The following SLC36A1 variants were observed in gnomAD, a reference collection of about 807,000 sequenced individuals.
SLC36A1 encodes the protein proton-coupled amino acid transporter 1.
A neutral mutation model predicts 47.5 loss-of-function variants in SLC36A1; 30 were observed. The observed-to-expected ratio is 0.63, with a 90% CI of 0.47 to 0.86. SLC36A1 has a LOEUF of 0.86. SLC36A1 is among the 40% of genes least tolerant of loss of function. The pLI is 0.00. For missense variants in SLC36A1, 517 were observed against 606.0 expected (o/e 0.85, Z 1.54); for synonymous variants, 255 against 249.7 (o/e 1.02, Z -0.20).
upstream of SLC36A1, among the ~76,000 whole-genome samples, chr5:151,444,531 C>T (rs13358254): frequency 0.037 from 5,627 of 152,072 alleles, 313 homozygotes; most frequent in African/African-American, 0.12. Flanking sequence ...CACTCTGTCA[C>T]CCAGGCTGAA....
At position 151,458,911 on chromosome 5, in the gene SLC36A1, G is replaced by T; in HGVS notation, c.119G>T (p.Arg40Leu). 6.2e-7 allele frequency: 1 copy of T among 1,613,298 alleles called. No individual in the cohort carries two copies. The highest frequency in any genetic ancestry group is 8.5e-7 in the Non-Finnish European group (1 of 1,179,754). ...NNLSSPGSYQ[R>L]FGQSNSTTWF... ...CTCTCCTCCCCGGGCTCCTACCAGCGCTTTGGTCAAAGCAATAGCACAACG... is the reference window on the plus strand; with the variant it reads ...CTCTCCTCCCCGGGCTCCTACCAGCTCTTTGGTCAAAGCAATAGCACAACG... The change falls in exon 2 of 11, where the codon CGC becomes CTC. Residue 40 changes from arginine to leucine, a missense_variant. Arg to Leu is a moderately radical substitution (Grantham distance 102, BLOSUM62 -2). Coordinates refer to ENST00000243389, the MANE Select transcript of SLC36A1 (RefSeq NM_078483.4).
rs776497565 is a variant in SLC36A1 at position 151,488,463 on chromosome 5, CAG to C, written c.*210_*211del. ...AGACACGCAGAAGTGCTACTAGTGA[CAG>C]GGCTGCCATCGCTCACCTGTACCTA... On this transcript the variant is annotated 3_prime_UTR_variant, in exon 11 of 11. Transcript: ENST00000243389. The C allele has an allele frequency of 1.7e-4, 108 of 624,662 alleles. No individual in the cohort carries two copies. Among genetic ancestry groups the C allele is most frequent in the Non-Finnish European group, 2.6e-4 (96 of 363,612 alleles). The allele number at this position is 624,662 out of a possible 1,614,324, so 38.7% of individuals were successfully genotyped here.
At position 151,464,494 on chromosome 5, in the gene SLC36A1, C is replaced by T; in HGVS notation, c.235-20C>T. ...TACCTACTTTTCTCTCTCTCTTTTG[C>T]CTGCAATATCTGTCCCCAGATGGGT... On this transcript the variant is annotated intron_variant, in intron 3 of 10. Transcript: ENST00000243389. 6.2e-7 allele frequency: 1 copy of T among 1,605,360 alleles called. No homozygotes were observed. The highest frequency in any genetic ancestry group is 8.5e-7 in the Non-Finnish European group (1 of 1,173,126).
Position 151,467,301 on chromosome 5 carries a change from A to AAAC in SLC36A1, c.504+20_504+21insCAA. On this transcript the variant is annotated intron_variant, in intron 6 of 10. Coordinates refer to ENST00000243389, the MANE Select transcript of SLC36A1 (RefSeq NM_078483.4). The stretch of plus-strand genomic sequence containing the variant: ...TTAAACAGGTAGGCACCTGGTTAAA[A>AAAC]AAGAAAAAAAAAAAAAAAACCAGAG... 24 of 1,438,668 alleles carry AAAC rather than the reference A, an allele frequency of 1.7e-5. No homozygotes were observed. Among genetic ancestry groups the AAAC allele is most frequent in the East Asian group, 2.3e-5 (1 of 43,554 alleles). 89.1% of individuals were successfully genotyped at this position (1,438,668 alleles called of 1,614,324 possible). A position where few individuals can be genotyped will look rare whatever the true frequency, so the allele number is the denominator to read the frequency against.
chr5:151,471,295 T>C (rs2127509129), intron 7 of SLC36A1, among the ~76,000 whole-genome samples: 1 of 152,362 alleles, frequency 6.6e-6, no homozygotes, highest in East Asian at 1.9e-4. Context: ...TGAGGAGATA[T>C]GTTAATAACG....
chr5:151,533,605 C>T, the SLC36A1 span, among the ~76,000 whole-genome samples: 3 of 152,058 alleles, frequency 2.0e-5, no homozygotes, highest in African/African-American at 7.2e-5. Context: ...GTTTTGATCC[C>T]ACTTTTATCA....
At chr5:151,437,003 G>A (rs1759806667), upstream of SLC36A1, 1 of 152,198 alleles carries the variant, frequency 6.6e-6, no homozygotes, top group Admixed American at 6.5e-5. Flanking sequence ...AGGTAACACT[G>A]AGGTCTGCCC....
intron 1 of SLC36A1, among the ~76,000 whole-genome samples, chr5:151,440,223 G>A (rs1253084240): frequency 6.6e-6 from 1 of 152,180 alleles, no homozygotes; most frequent in East Asian, 1.9e-4. Context: ...TGGTAAAGGA[G>A]ATACAGGAAG....
chr5:151,482,306 A>G lies in SLC36A1; in HGVS notation c.1159+2817A>G, dbSNP rs1412734849. Among the ~76,000 whole-genome samples, 3 of 151,956 alleles carry G rather than the reference A, an allele frequency of 2.0e-5. No homozygotes were observed. In the East Asian group the frequency reaches 5.8e-4, roughly 29 times the overall value. On this transcript the variant is annotated intron_variant, in intron 10 of 10. Transcript: ENST00000243389. Reference sequence around the variant, plus strand: ...CTGCATTCCCCGCCCAGGAACCCTCATAAGGCCTCAGGGTCCTCAACTGTA... The same window carrying G: ...CTGCATTCCCCGCCCAGGAACCCTCGTAAGGCCTCAGGGTCCTCAACTGTA...
At chr5:151,456,913 G>A (rs1200363939) in intron 1 of SLC36A1, among the ~76,000 whole-genome samples, 1 of 152,162 alleles carries the variant, frequency 6.6e-6, no homozygotes, top group African/African-American at 2.4e-5. Flanking sequence ...TGGGTGTCGG[G>A]GCAGGGTGGG....
the SLC36A1 span, among the ~76,000 whole-genome samples, chr5:151,501,528 C>T: frequency 2.0e-5 from 3 of 147,830 alleles, 1 homozygote; most frequent in Admixed American, 2.0e-4. Context: ...GTGATCTGCC[C>T]ACCTTGGCCT....
At chr5:151,446,328 T>C (rs983522460), upstream of SLC36A1, among the ~76,000 whole-genome samples, 1 of 152,204 alleles carries the variant, frequency 6.6e-6, no homozygotes, top group Non-Finnish European at 1.5e-5. Context: ...GGTCAGGAGT[T>C]TGAGACCAGC....
the SLC36A1 span, chr5:151,544,444 G>A: frequency 6.2e-7 from 1 of 1,614,204 alleles, no homozygotes; most frequent in Admixed American, 1.7e-5. Context: ...CAAAGGCCCT[G>A]TTACTGTTAG....
the SLC36A1 span, among the ~76,000 whole-genome samples, chr5:151,411,819 C>G: frequency 3.5e-5 from 5 of 144,324 alleles, no homozygotes; most frequent in African/African-American, 1.3e-4. Context: ...CAAACCAAAC[C>G]AAACCAAACC....
At chr5:151,442,469 A>G (rs1752683947) in intron 1 of SLC36A1, among the ~76,000 whole-genome samples, 1 of 152,196 alleles carries the variant, frequency 6.6e-6, no homozygotes. Context: ...TAACATATCC[A>G]TCATCTCAAA....
At chr5:151,402,270 A>G in the SLC36A1 span, among the ~76,000 whole-genome samples, 6 of 151,946 alleles carry the variant, frequency 3.9e-5, no homozygotes, top group African/African-American at 1.4e-4. Context: ...GTTTAATTCT[A>G]TTCTATTTAT....
At chr5:151,365,626 G>A in the SLC36A1 span, among the ~76,000 whole-genome samples, 24 of 152,310 alleles carry the variant, frequency 1.6e-4, no homozygotes, top group African/African-American at 5.8e-4. Context: ...TCTAAAATCA[G>A]GCAGCTGAGT....
chr5:151,551,132 A>G, the SLC36A1 span, among the ~76,000 whole-genome samples: 3 of 152,228 alleles, frequency 2.0e-5, no homozygotes, highest in Non-Finnish European at 4.4e-5. Context: ...TCCAAATGTA[A>G]GAAACAGATA....
the SLC36A1 span, among the ~76,000 whole-genome samples, chr5:151,530,398 C>G: frequency 6.6e-6 from 1 of 152,134 alleles, no homozygotes; most frequent in Non-Finnish European, 1.5e-5. Context: ...CTAGGAAATA[C>G]AAGGACCTGA....
Sources: allele counts gnomAD v4.1 joint callset (sites outside exome capture counted in the v4.1 genomes callset), GRCh38; gene constraint gnomAD v4.1.1; transcripts MANE v1.5; gene names NCBI Gene and HGNC (gene_info 2026-07-23, HGNC 2026-07-21).